KHDRBS2: variants seen among roughly 807,000 people sequenced by gnomAD.
KHDRBS2 encodes the protein KH domain-containing, RNA-binding, signal transduction-associated protein 2.
A neutral mutation model predicts 44.3 loss-of-function variants in KHDRBS2; 26 were observed. That is an observed-to-expected ratio of 0.59 (90% CI 0.43 to 0.81). The LOEUF (loss-of-function observed/expected upper bound fraction) is 0.81. Among genes scored for constraint, KHDRBS2 ranks in the 40% least tolerant of loss-of-function variants. KHDRBS2 has a pLI of 0.00. For missense variants in KHDRBS2, 476 were observed against 433.1 expected, an observed-to-expected ratio of 1.10 and a Z score of -0.88; for synonymous variants, 194 against 151.1, an observed-to-expected ratio of 1.28 and a Z score of -2.08.
intron 2 of KHDRBS2, among the ~76,000 whole-genome samples, chr6:62,088,539 A>C (rs1202963824): frequency 6.6e-6 from 1 of 152,176 alleles, no homozygotes; most frequent in Non-Finnish European, 1.5e-5. Flanking sequence ...AGGCTGCAGA[A>C]CAGCAAAGAT....
At chr6:62,035,164 A>G (rs1476473771) in intron 3 of KHDRBS2, among the ~76,000 whole-genome samples, 1 of 152,032 alleles carries the variant, frequency 6.6e-6, no homozygotes, top group Non-Finnish European at 1.5e-5. Context: ...AAAAGGAATC[A>G]GTATATCAAA....
chr6:61,658,689 A>G, the KHDRBS2 span, among the ~76,000 whole-genome samples: 2 of 151,898 alleles, frequency 1.3e-5, no homozygotes, highest in Non-Finnish European at 2.9e-5. Context: ...TGATGCTGAT[A>G]TGCATACGCA....
chr6:61,750,944 G>A (rs1321419772), intron 6 of KHDRBS2, among the ~76,000 whole-genome samples: 7 of 151,704 alleles, frequency 4.6e-5, no homozygotes, highest in African/African-American at 1.5e-4. Context: ...AAATTATCAC[G>A]ATTGCTATTA....
intron 2 of KHDRBS2, among the ~76,000 whole-genome samples, chr6:62,070,248 G>A (rs186355555): frequency 1.3e-3 from 195 of 151,356 alleles, no homozygotes; most frequent in African/African-American, 4.5e-3. Context: ...AAGGGATATT[G>A]ATATATAGTT....
At chr6:61,692,610 A>G (rs1767494132) in intron 8 of KHDRBS2, among the ~76,000 whole-genome samples, 1 of 152,132 alleles carries the variant, frequency 6.6e-6, no homozygotes, top group Non-Finnish European at 1.5e-5. Context: ...GACAAATACA[A>G]TTTCAGTTTT....
chr6:62,038,006 T>C (rs1230896193), intron 3 of KHDRBS2, among the ~76,000 whole-genome samples: 1 of 152,158 alleles, frequency 6.6e-6, no homozygotes, highest in African/African-American at 2.4e-5. Flanking sequence ...ATAAATGTGT[T>C]TCCTTTATTG....
intron 6 of KHDRBS2, among the ~76,000 whole-genome samples, chr6:61,774,154 A>T (rs1781519227): frequency 1.3e-5 from 2 of 152,244 alleles, no homozygotes; most frequent in South Asian, 4.1e-4. Flanking sequence ...TATGAACTTT[A>T]AAGTAGTTTT....
intron 6 of KHDRBS2, among the ~76,000 whole-genome samples, chr6:61,848,469 T>TTATATA (rs796641130): frequency 2.7e-4 from 20 of 73,672 alleles, no homozygotes; most frequent in African/African-American, 6.0e-4. Context: ...AATGGAGGTT[T>TTATATA]TATATATATA....
intron 1 of KHDRBS2, among the ~76,000 whole-genome samples, chr6:62,193,750 CTG>C (rs1358243077): frequency 6.6e-6 from 1 of 152,104 alleles, no homozygotes; most frequent in Admixed American, 6.6e-5. Context: ...TTGCTATTGT[CTG>C]TCTTTATTTT....
chr6:61,790,932 A>C (rs1281888075), intron 6 of KHDRBS2, among the ~76,000 whole-genome samples: 1 of 151,520 alleles, frequency 6.6e-6, no homozygotes, highest in Non-Finnish European at 1.5e-5. Context: ...ATGATTTGCA[A>C]CATCTCTTTA....
intron 2 of KHDRBS2, among the ~76,000 whole-genome samples, chr6:62,167,365 TA>T (rs1258090164): frequency 1.3e-5 from 2 of 151,928 alleles, no homozygotes; most frequent in Admixed American, 6.6e-5. Context: ...ACATAAAAAT[TA>T]AAAAAATACA....
intron 6 of KHDRBS2, among the ~76,000 whole-genome samples, chr6:61,737,299 C>T (rs2127562449): frequency 6.6e-6 from 1 of 152,104 alleles, no homozygotes; most frequent in South Asian, 2.1e-4. Context: ...GCATATAGTG[C>T]AATGTTCCCC....
At chr6:62,053,275 A>C (rs1272552477) in intron 2 of KHDRBS2, among the ~76,000 whole-genome samples, 1 of 152,018 alleles carries the variant, frequency 6.6e-6, no homozygotes, top group Non-Finnish European at 1.5e-5. Context: ...AGAAATATCC[A>C]AGAACTCAGC....
intron 4 of KHDRBS2, among the ~76,000 whole-genome samples, chr6:61,914,973 C>T (rs748183300): frequency 5.3e-5 from 8 of 152,068 alleles, no homozygotes; most frequent in East Asian, 1.9e-4. Flanking sequence ...AGAAAAGTAA[C>T]GGAGTTAGAA....
the KHDRBS2 span, among the ~76,000 whole-genome samples, chr6:61,649,880 G>C: frequency 6.6e-6 from 1 of 152,098 alleles, no homozygotes; most frequent in Non-Finnish European, 1.5e-5. Flanking sequence ...TCTTCTTACA[G>C]CAACCAGGGT....
At chr6:61,564,806 C>A in the KHDRBS2 span, among the ~76,000 whole-genome samples, 18 of 151,326 alleles carry the variant, frequency 1.2e-4, no homozygotes, top group Non-Finnish European at 2.5e-4. Flanking sequence ...ATTATGTAGA[C>A]AAAAAAAGGT....
At chr6:61,697,484 T>G (rs1768039030) in intron 7 of KHDRBS2, among the ~76,000 whole-genome samples, 1 of 152,004 alleles carries the variant, frequency 6.6e-6, no homozygotes, top group Admixed American at 6.6e-5. Flanking sequence ...TCCACCAATT[T>G]GATAAATCAA....
the KHDRBS2 span, among the ~76,000 whole-genome samples, chr6:61,643,902 T>G: frequency 6.6e-6 from 1 of 152,160 alleles, no homozygotes; most frequent in South Asian, 2.1e-4. Context: ...ACAGATTCAA[T>G]GCTATTCCTA....
chr6:62,046,852 A>T (rs1449846003), intron 3 of KHDRBS2, among the ~76,000 whole-genome samples: 2 of 151,860 alleles, frequency 1.3e-5, no homozygotes, highest in Non-Finnish European at 2.9e-5. Flanking sequence ...GGGCTAGTAA[A>T]AATCATTCCG....
Sources: allele counts gnomAD v4.1 joint callset (sites outside exome capture counted in the v4.1 genomes callset), GRCh38; gene constraint gnomAD v4.1.1; transcripts MANE v1.5; gene names NCBI Gene and HGNC (gene_info 2026-07-23, HGNC 2026-07-21).